CEP120: variants seen among roughly 807,000 people sequenced by gnomAD.
CEP120 encodes centrosomal protein 120.
In CEP120, 113 loss-of-function variants were observed where a neutral mutation model predicts 126.5. The ratio of observed to expected loss-of-function variants is 0.89; its 90% CI spans 0.77 to 1.04. CEP120 has a LOEUF of 1.04. Among genes scored for constraint, CEP120 ranks in the 50% least tolerant of loss-of-function variants. CEP120 has a pLI of 0.00. For missense variants in CEP120, 1,230 were observed against 1,155.7 expected, an observed-to-expected ratio of 1.06 and a Z score of -0.93; for synonymous variants, 400 against 394.3, an observed-to-expected ratio of 1.01 and a Z score of -0.17.
In CEP120 at chr5:123,382,923, T is replaced by C. The variant is rs1280946557; in HGVS notation, c.1861-34A>G. On this transcript the variant is annotated intron_variant, in intron 12 of 19. Transcript: ENST00000306467. ...TGAACCAAAAAGTACATTTAAACAC[T>C]CACACACATATGCACATTAGATTCC... 1.9e-6 allele frequency: 3 copies of C among 1,610,122 alleles called. No homozygotes were observed. The East Asian group carries it at 6.7e-5, about 36-fold the overall frequency.
chr5:123,369,692 A>AT (rs555585878), intron 17 of CEP120, among the ~76,000 whole-genome samples: 224 of 152,096 alleles, frequency 1.5e-3, no homozygotes, highest in African/African-American at 5.3e-3. Flanking sequence ...TACCCTCCTC[A>AT]AAGAGGCCTT....
At chr5:123,413,796 T>C (rs1774218670) in intron 3 of CEP120, among the ~76,000 whole-genome samples, 1 of 152,200 alleles carries the variant, frequency 6.6e-6, no homozygotes, top group Non-Finnish European at 1.5e-5. Flanking sequence ...TAATACAGTT[T>C]GTTGATGTAT....
Position 123,349,827 on chromosome 5 carries a change from G to A in CEP120, c.2726+117C>T, listed in dbSNP as rs1769081903. ...CTGGCATAGATTTTCTATTGTATAT[G>A]TCTGCTACATTTTATATATTTTTAT... On this transcript the variant is annotated intron_variant, in intron 19 of 19. Coordinates refer to ENST00000306467, the MANE Select transcript of CEP120 (RefSeq NM_001375405.1). 5 of 805,262 alleles carry A rather than the reference G, an allele frequency of 6.2e-6. No homozygotes were observed. In the South Asian group the frequency reaches 9.7e-5, roughly 16 times the overall value. The allele number at this position is 805,262 out of a possible 1,614,324, so 49.9% of individuals were successfully genotyped here.
intron 11 of CEP120, 96 bp from the exon 12 acceptor site, chr5:123,383,178 A>G: frequency 1.4e-6 from 1 of 702,014 alleles, no homozygotes; most frequent in Non-Finnish European, 2.3e-6. Context: ...GGAAGTAAGC[A>G]ACATTTTCTG....
At chr5:123,390,919 G>C (rs1209239551) in intron 7 of CEP120, 191 bp downstream of exon 7, 2 of 549,236 alleles carry the variant, frequency 3.6e-6, no homozygotes, top group Non-Finnish European at 6.4e-6. Flanking sequence ...AGAGGGCTCT[G>C]GGTAGAATCA....
chr5:123,383,907 C>T (rs1771841832), intron 11 of CEP120, among the ~76,000 whole-genome samples: 1 of 152,092 alleles, frequency 6.6e-6, no homozygotes, highest in African/African-American at 2.4e-5. Context: ...GAATGGTTCT[C>T]ACACAATTAG....
chr5:123,368,822 G>A (rs1209031117), intron 17 of CEP120, among the ~76,000 whole-genome samples: 1 of 151,916 alleles, frequency 6.6e-6, no homozygotes, highest in African/African-American at 2.4e-5. Context: ...TCACAACAGA[G>A]TGAATTCAAA....
intron 17 of CEP120, among the ~76,000 whole-genome samples, chr5:123,367,331 C>T (rs535422093): frequency 6.6e-6 from 1 of 151,946 alleles, no homozygotes; most frequent in Non-Finnish European, 1.5e-5. Flanking sequence ...TCAGTCTTTT[C>T]CACCTATGTA....
intron 18 of CEP120, among the ~76,000 whole-genome samples, chr5:123,350,654 C>T (rs772824834): frequency 4.6e-5 from 7 of 152,274 alleles, no homozygotes; most frequent in Non-Finnish European, 1.0e-4. Context: ...CAATAACTGT[C>T]CCTATACAAA....
At chr5:123,410,985 C>G (rs1774020487) in intron 4 of CEP120, among the ~76,000 whole-genome samples, 1 of 152,090 alleles carries the variant, frequency 6.6e-6, no homozygotes, top group African/African-American at 2.4e-5. Flanking sequence ...TAAAATTCAA[C>G]AAGAAAATGA....
At chr5:123,383,538 C>A (rs1771808976) in intron 11 of CEP120, among the ~76,000 whole-genome samples, 1 of 151,840 alleles carries the variant, frequency 6.6e-6, no homozygotes, top group South Asian at 2.1e-4. Flanking sequence ...TTTTTTACTG[C>A]CTGTAAAATA....
At chr5:123,412,715 T>TA (rs1382245324) in intron 3 of CEP120, among the ~76,000 whole-genome samples, 175 bp from the exon 4 acceptor site, 1 of 152,194 alleles carries the variant, frequency 6.6e-6, no homozygotes, top group Non-Finnish European at 1.5e-5. Flanking sequence ...ATCAACTGAA[T>TA]TTCCCTCTAG....
chr5:123,422,888 C>G (rs1774810536), intron 1 of CEP120, 62 bp downstream of exon 1: 1 of 1,464,662 alleles, frequency 6.8e-7, no homozygotes, highest in African/African-American at 1.4e-5. Context: ...GGCCTCGGTC[C>G]CACACTAAGC....
At chr5:123,369,056 T>C (rs931015919) in intron 17 of CEP120, among the ~76,000 whole-genome samples, 1 of 151,814 alleles carries the variant, frequency 6.6e-6, no homozygotes, top group Non-Finnish European at 1.5e-5. Context: ...CAAGAAAAGA[T>C]GTTGGGTAGG....
chr5:123,397,325 A>C (rs116466868), intron 5 of CEP120, among the ~76,000 whole-genome samples: 4,308 of 152,322 alleles, frequency 0.028, 198 homozygotes, highest in African/African-American at 0.097. Context: ...GCTCCACCTC[A>C]AAAAAATAAA....
chr5:123,375,604 T>A (rs1771158874), intron 16 of CEP120, among the ~76,000 whole-genome samples: 1 of 152,118 alleles, frequency 6.6e-6, no homozygotes, highest in Admixed American at 6.5e-5. Flanking sequence ...ATTACAAGTG[T>A]GAACCACTGT....
chr5:123,423,198 C>T lies in CEP120; in HGVS notation c.-200G>A. The T allele has an allele frequency of 5.1e-6, 3 of 591,052 alleles. No homozygotes were observed. Among genetic ancestry groups the T allele is most frequent in the Non-Finnish European group, 9.1e-6 (3 of 331,154 alleles). 36.6% of individuals were successfully genotyped at this position (591,052 alleles called of 1,614,324 possible). ...TCTGCCTCGGGCCGCCAGCCCAGAT[C>T]CTAACTGTGCCCCGACTCAAGGAAA... On this transcript the variant is annotated 5_prime_UTR_variant, in exon 1 of 20. Transcript: ENST00000306467.
In CEP120 at chr5:123,350,017, G is replaced by C; in HGVS notation, c.2653C>G (p.Leu885Val). ...EELEQMRLRY[L>V]AAEEKDTVKT... Reference sequence around the variant, plus strand: ...ACTGTATCTTTTTCCTCAGCGGCAAGGTAACGTAGTCTCATCTGTTCCAAT... The same window carrying C: ...ACTGTATCTTTTTCCTCAGCGGCAACGTAACGTAGTCTCATCTGTTCCAAT... The change falls in exon 19 of 20, where the codon CTT becomes GTT. Residue 885 changes from leucine to valine, a missense_variant. By Grantham distance (32) the Leu-to-Val change is conservative (BLOSUM62 1). Coordinates refer to ENST00000306467, the MANE Select transcript of CEP120 (RefSeq NM_001375405.1). 1 of 1,613,618 alleles carries C rather than the reference G, an allele frequency of 6.2e-7. No individual in the cohort carries two copies. Among genetic ancestry groups the C allele is most frequent in the African/African-American group, 1.3e-5 (1 of 74,984 alleles).
intron 17 of CEP120, among the ~76,000 whole-genome samples, chr5:123,370,651 T>C (rs1209827950): frequency 7.4e-6 from 1 of 134,556 alleles, no homozygotes; most frequent in Non-Finnish European, 1.6e-5. Context: ...CTAGTGTATA[T>C]ATATGTTATA....
Sources: gnomAD v4.1 joint callset for allele counts (sites outside exome capture counted in the v4.1 genomes callset) on GRCh38, gnomAD v4.1.1 for gene constraint, MANE v1.5 for transcripts, NCBI Gene and HGNC (gene_info 2026-07-23, HGNC 2026-07-21) for gene names.